The following ZNF76 variants were observed in gnomAD, a reference collection of about 807,000 sequenced individuals.
ZNF76 encodes zinc finger protein 76.
A neutral mutation model predicts 66.9 loss-of-function variants in ZNF76; 66 were observed. The ratio of observed to expected loss-of-function variants is 0.99; its 90% CI spans 0.81 to 1.21. The LOEUF is 1.21. Among genes scored for constraint, ZNF76 ranks in the 50% most tolerant of loss-of-function variants. The pLI is 0.00. For missense variants in ZNF76, 729 were observed against 760.3 expected, an observed-to-expected ratio of 0.96 and a Z score of 0.48; for synonymous variants, 275 against 296.1, an observed-to-expected ratio of 0.93 and a Z score of 0.73.
rs185329961 is a variant in ZNF76 at position 35,286,148 on chromosome 6, C to T, written c.94C>T (p.Gln32Ter). 1 of 1,614,164 alleles carries T rather than the reference C, an allele frequency of 6.2e-7. No individual in the cohort carries two copies. The highest frequency in any genetic ancestry group is 1.3e-5 in the African/African-American group (1 of 75,036). The change falls in exon 3 of 14, where the codon CAG becomes TAG. Residue 32 changes from glutamine (Q) to a stop codon, truncating the protein, a stop_gained. Coordinates refer to ENST00000373953, the MANE Select transcript of ZNF76 (RefSeq NM_003427.5). LOFTEE classifies it high-confidence loss of function. ...AACAGGAGAGAAGCTTCTTGAAGGG[C>T]AGGTGATCCAGCTCGAGGATGGGAC... Reference protein sequence around the residue: ...AVKGEKLLEGQVIQLEDGTTA... With the variant: ...AVKGEKLLEG
At chr6:35,281,793 G>A (rs1007739028) in intron 2 of ZNF76, among the ~76,000 whole-genome samples, 7 of 151,834 alleles carry the variant, frequency 4.6e-5, no homozygotes, top group African/African-American at 1.7e-4. Flanking sequence ...ATAATAATCT[G>A]GGTGCAGCAG....
In ZNF76 at chr6:35,287,674, C is replaced by T. The variant is rs376706823; in HGVS notation, c.261C>T (p.Ala87=). ...GCTATGACCCCAGCACCCTGGAAGC[C>T]GTCCAACTGGAAGATGGCTCCACTG... The part of the protein sequence containing the change: ...REGYDPSTLE[A]VQLEDGSTAY... The change falls in exon 5 of 14, where the codon GCC becomes GCT. Residue 87 remains alanine, a synonymous_variant. Transcript: ENST00000373953. The surrounding 1 kb of genome is among the most constrained non-coding windows in gnomAD (Gnocchi z 4.0). 2.0e-5 allele frequency: 33 copies of T among 1,613,560 alleles called. 1 individual carries two copies. The highest frequency in any genetic ancestry group is 1.6e-4 in the Middle Eastern group (1 of 6,080).
chr6:35,266,537 T>G (rs1409250606), intron 1 of ZNF76, among the ~76,000 whole-genome samples: 1 of 152,176 alleles, frequency 6.6e-6, no homozygotes, highest in Non-Finnish European at 1.5e-5. Context: ...AAGTGTTTTT[T>G]GGATATCAAA....
In ZNF76 at chr6:35,295,639, C is replaced by T; in HGVS notation, c.*391C>T. The stretch of plus-strand genomic sequence containing the variant: ...GGTTGAGCCACAGACAGCTCTTCAG[C>T]CCAGTAGCAGTGGAGCAGGCCCTGT... On this transcript the variant is annotated 3_prime_UTR_variant, in exon 14 of 14. Coordinates refer to ENST00000373953, the MANE Select transcript of ZNF76 (RefSeq NM_003427.5). 3.4e-6 allele frequency: 1 copy of T among 293,694 alleles called. No homozygotes were observed. The highest frequency in any genetic ancestry group is 3.2e-5 in the South Asian group (1 of 31,548). 18.2% of individuals were successfully genotyped at this position (293,694 alleles called of 1,614,324 possible).
chr6:35,291,440 G>A (rs778355778), intron 8 of ZNF76, 37 bp downstream of exon 8: 1 of 1,613,642 alleles, frequency 6.2e-7, no homozygotes. Flanking sequence ...CCCATTCCCT[G>A]GGCAAAAGGA....
At chr6:35,283,294 C>T (rs748352390) in intron 2 of ZNF76, among the ~76,000 whole-genome samples, 20 of 152,286 alleles carry the variant, frequency 1.3e-4, no homozygotes, top group African/African-American at 4.6e-4. Context: ...ACAGATTTTC[C>T]CTCTGCTCAG....
intron 12 of ZNF76, chr6:35,294,118 A>G: frequency 1.6e-6 from 1 of 636,792 alleles, no homozygotes; most frequent in Non-Finnish European, 2.7e-6. Flanking sequence ...GACACTTTCT[A>G]AATCTCAATT....
rs1250359037 is a variant in ZNF76, at chr6:35,281,151, C to T, written c.-1C>T. The T allele has an allele frequency of 1.2e-6, 2 of 1,613,906 alleles. No homozygotes were observed. The highest frequency in any genetic ancestry group is 1.1e-5 in the South Asian group (1 of 91,080). On this transcript the variant is annotated 5_prime_UTR_variant, in exon 2 of 14. Coordinates refer to ENST00000373953, the MANE Select transcript of ZNF76 (RefSeq NM_003427.5). The stretch of plus-strand genomic sequence containing the variant: ...TCTGAGTGCACGAGCAGCAGTTTGC[C>T]ATGGAGAGCTTGGGGCTGCACACGG...
chr6:35,267,892 T>C (rs1194741570), intron 1 of ZNF76, among the ~76,000 whole-genome samples: 2 of 152,140 alleles, frequency 1.3e-5, no homozygotes, highest in East Asian at 3.9e-4. Context: ...GTTGGAGTGG[T>C]GGGGGCTTCA....
At position 35,260,134 on chromosome 6, in the gene ZNF76, T is replaced by C. The variant is rs144864895; in HGVS notation, c.-97+293T>C. 4.0e-5 allele frequency among the ~76,000 whole-genome samples: 6 copies of C among 151,140 alleles called. No individual in the cohort carries two copies. The East Asian group carries it at 1.2e-3, about 30-fold the overall frequency. The stretch of plus-strand genomic sequence containing the variant: ...ACCCCAAGACCTCACCAGGTAACCG[T>C]TGGTTATTATTCATTGGCTGCTAAC... On this transcript the variant is annotated intron_variant, in intron 1 of 13. Coordinates refer to ENST00000373953, the MANE Select transcript of ZNF76 (RefSeq NM_003427.5).
At position 35,287,570 on chromosome 6, in the gene ZNF76, A is replaced by G. The variant is rs1789746086; in HGVS notation, c.233-76A>G. 2 of 1,397,318 alleles carry G rather than the reference A, an allele frequency of 1.4e-6. No homozygotes were observed. Among genetic ancestry groups the G allele is most frequent in the Non-Finnish European group, 9.8e-7 (1 of 1,024,226 alleles). 86.6% of individuals were successfully genotyped at this position (1,397,318 alleles called of 1,614,324 possible). On this transcript the variant is annotated intron_variant, in intron 4 of 13. Transcript: ENST00000373953. This position sits in a 1 kb window ranked among gnomAD's most constrained non-coding sequence, Gnocchi z 4.0. ...ACCCTCCTTGGTATATGTATCTCTCATTAACTTAAAGCTAGGGTCCCAGCT... is the reference window on the plus strand; with the variant it reads ...ACCCTCCTTGGTATATGTATCTCTCGTTAACTTAAAGCTAGGGTCCCAGCT...
intron 1 of ZNF76, among the ~76,000 whole-genome samples, chr6:35,274,272 T>A (rs1278774175): frequency 6.6e-6 from 1 of 152,260 alleles, no homozygotes; most frequent in Non-Finnish European, 1.5e-5. Context: ...GTTGTTTTCT[T>A]TTTTTGGCTT....
rs924969989 is a variant in ZNF76 at position 35,293,984 on chromosome 6, G to A, written c.1494+69G>A. On this transcript the variant is annotated intron_variant, in intron 12 of 13. Coordinates refer to ENST00000373953, the MANE Select transcript of ZNF76 (RefSeq NM_003427.5). Reference sequence around the variant, plus strand: ...CTTTCCATGGGGCGGGCATTAAAGTGCAGCCTAAACTAGTCAAGTCTTCTT... The same window carrying A: ...CTTTCCATGGGGCGGGCATTAAAGTACAGCCTAAACTAGTCAAGTCTTCTT... 3.4e-5 allele frequency: 53 copies of A among 1,569,928 alleles called. No individual in the cohort carries two copies. The Admixed American group carries it at 9.3e-4, about 27-fold the overall frequency.
intron 13 of ZNF76, 61 bp from the exon 14 acceptor site, chr6:35,295,083 C>G: frequency 2.2e-6 from 3 of 1,362,632 alleles, no homozygotes; most frequent in Non-Finnish European, 3.1e-6. Flanking sequence ...ATATTACTAA[C>G]ACTGGAATCT....
intron 5 of ZNF76, among the ~76,000 whole-genome samples, 192 bp from the exon 6 acceptor site, chr6:35,290,074 C>T (rs559318026): frequency 1.6e-4 from 25 of 152,284 alleles, no homozygotes; most frequent in Admixed American, 8.5e-4. Flanking sequence ...TGGTGACTCC[C>T]CATGCCCACC....
intron 1 of ZNF76, among the ~76,000 whole-genome samples, chr6:35,270,061 C>T (rs1395271035): frequency 6.6e-6 from 1 of 152,186 alleles, no homozygotes; most frequent in Non-Finnish European, 1.5e-5. Flanking sequence ...AAAGGGAGTA[C>T]AAAGCATGCA....
intron 6 of ZNF76, 126 bp downstream of exon 6, chr6:35,290,508 C>A: frequency 6.6e-7 from 1 of 1,518,210 alleles, no homozygotes; most frequent in South Asian, 1.2e-5. Flanking sequence ...TGAGGGTACA[C>A]AGGAATGCCA....
chr6:35,263,942 G>C (rs1218135444), intron 1 of ZNF76, among the ~76,000 whole-genome samples: 2 of 152,068 alleles, frequency 1.3e-5, no homozygotes, highest in African/African-American at 2.4e-5. Flanking sequence ...GTAGAGACAG[G>C]GTTTCACCAT....
chr6:35,291,219 G>A, intron 7 of ZNF76, 59 bp from the exon 8 acceptor site: 4 of 1,557,050 alleles, frequency 2.6e-6, no homozygotes, highest in Non-Finnish European at 3.5e-6. Context: ...GAGGTGGACG[G>A]TGGAGGATGA....
Sources: gnomAD v4.1 joint callset for allele counts (sites outside exome capture counted in the v4.1 genomes callset) on GRCh38, gnomAD v4.1.1 for gene constraint, Gnocchi (gnomAD v3.1) non-coding constraint, MANE v1.5 for transcripts, NCBI Gene and HGNC (gene_info 2026-07-23, HGNC 2026-07-21) for gene names.